The following MAF variants were observed in gnomAD, a reference collection of about 807,000 sequenced individuals.
MAF encodes MAF bZIP transcription factor, also known as transcription factor Maf.
Under a neutral mutation model 22.0 loss-of-function variants are expected in MAF, and 10 were observed. The observed-to-expected ratio is 0.45, with a 90% CI of 0.28 to 0.77. The LOEUF is 0.77. MAF is among the 30% of genes least tolerant of loss of function. MAF has a pLI of 0.12. For missense variants in MAF, 544 were observed against 548.4 expected, an observed-to-expected ratio of 0.99 and a Z score of 0.08; for synonymous variants, 337 against 255.8, an observed-to-expected ratio of 1.32 and a Z score of -3.03.
chr16:79,271,050 G>A, the MAF span, among the ~76,000 whole-genome samples: 8 of 151,242 alleles, frequency 5.3e-5, no homozygotes, highest in South Asian at 2.1e-4. Flanking sequence ...ACAAGCGCCC[G>A]CCACCATGCC....
At chr16:79,544,860 T>C in the MAF span, among the ~76,000 whole-genome samples, 7 of 152,092 alleles carry the variant, frequency 4.6e-5, no homozygotes, top group Non-Finnish European at 1.0e-4. Context: ...CTTACATTCA[T>C]TCATGTTTGG....
chr16:79,310,990 C>T, the MAF span, among the ~76,000 whole-genome samples: 1 of 151,920 alleles, frequency 6.6e-6, no homozygotes, highest in Non-Finnish European at 1.5e-5. Flanking sequence ...CGAGCTTCCA[C>T]CCTGGCTGCT....
the MAF span, among the ~76,000 whole-genome samples, chr16:79,465,153 G>T: frequency 6.6e-6 from 1 of 152,152 alleles, no homozygotes; most frequent in African/African-American, 2.4e-5. Flanking sequence ...TGGTTCCAGG[G>T]CTCCCCTCAA....
chr16:79,377,552 T>C, the MAF span, among the ~76,000 whole-genome samples: 1 of 152,392 alleles, frequency 6.6e-6, no homozygotes, highest in Admixed American at 6.5e-5. Context: ...TTTGTCAATT[T>C]TGGCTTTTGT....
downstream of MAF, among the ~76,000 whole-genome samples, chr16:79,589,100 A>AT (rs376177722): frequency 1.4e-4 from 21 of 152,172 alleles, no homozygotes; most frequent in East Asian, 5.8e-4. Flanking sequence ...TAAAAAGTAG[A>AT]TTTTTTTTAA....
At chr16:79,249,288 G>A in the MAF span, among the ~76,000 whole-genome samples, 1 of 152,072 alleles carries the variant, frequency 6.6e-6, no homozygotes, top group Non-Finnish European at 1.5e-5. Context: ...ATGTGGTGGT[G>A]CATGCCTGTT....
At chr16:79,413,210 G>GTTGTTTTTTTTTT in the MAF span, among the ~76,000 whole-genome samples, 3 of 63,620 alleles carry the variant, frequency 4.7e-5, no homozygotes, top group Non-Finnish European at 8.9e-5. Flanking sequence ...GAGCTGTGCA[G>GTTGTTTTTTTTTT]TTTTTTTTTT....
the MAF span, among the ~76,000 whole-genome samples, chr16:79,520,476 TGTGTGTGTGC>T: frequency 6.6e-6 from 1 of 152,054 alleles, no homozygotes; most frequent in South Asian, 2.1e-4. Flanking sequence ...TATCTCTCTG[TGTGTGTGTGC>T]GTGTGTGTGT....
the MAF span, among the ~76,000 whole-genome samples, chr16:79,510,151 G>A: frequency 6.6e-6 from 1 of 152,198 alleles, no homozygotes; most frequent in South Asian, 2.1e-4. Flanking sequence ...TACAACAACT[G>A]TGTTTATCCC....
chr16:79,594,267 T>C lies in MAF; in HGVS notation c.*193A>G, dbSNP rs1913366245. On this transcript the variant is annotated 3_prime_UTR_variant, in exon 2 of 2. Transcript: ENST00000326043. ...CATAAATCGAAAAGCAGGAGTGCGCTTTCCTACCGGTCTCTATGAAACCCC... is the reference window on the plus strand; with the variant it reads ...CATAAATCGAAAAGCAGGAGTGCGCCTTCCTACCGGTCTCTATGAAACCCC... 2 of 597,204 alleles carry C rather than the reference T, an allele frequency of 3.3e-6. No individual in the cohort carries two copies. Among genetic ancestry groups the C allele is most frequent in the South Asian group, 4.1e-5 (2 of 49,080 alleles). The allele number at this position is 597,204 out of a possible 1,614,324, so 37.0% of individuals were successfully genotyped here.
the MAF span, among the ~76,000 whole-genome samples, chr16:79,493,314 C>T: frequency 3.9e-5 from 6 of 152,050 alleles, no homozygotes; most frequent in East Asian, 3.9e-4. Flanking sequence ...CCCGAGTAGC[C>T]GGGATTACAG....
the MAF span, among the ~76,000 whole-genome samples, chr16:79,481,741 T>A: frequency 2.0e-5 from 3 of 152,164 alleles, no homozygotes; most frequent in Admixed American, 2.0e-4. Context: ...TCCATGCAGG[T>A]ACTCACTTAT....
the MAF span, among the ~76,000 whole-genome samples, chr16:79,441,851 T>G: frequency 6.6e-6 from 1 of 152,222 alleles, no homozygotes; most frequent in South Asian, 2.1e-4. Context: ...TGGTTAAGAA[T>G]GTCGAGGTAA....
At chr16:79,490,808 G>A in the MAF span, among the ~76,000 whole-genome samples, 2 of 152,152 alleles carry the variant, frequency 1.3e-5, no homozygotes, top group Admixed American at 1.3e-4. Context: ...ACACAATTCT[G>A]CTATTTCTAA....
chr16:79,448,512 G>A, the MAF span, among the ~76,000 whole-genome samples: 2 of 151,734 alleles, frequency 1.3e-5, no homozygotes, highest in African/African-American at 2.4e-5. Context: ...TGCAACCTCT[G>A]CCTCCCAGGT....
the MAF span, among the ~76,000 whole-genome samples, chr16:79,519,831 T>C: frequency 1.2e-4 from 19 of 152,190 alleles, 1 homozygote; most frequent in Non-Finnish European, 2.4e-4. Context: ...TCTGTCACCA[T>C]GTGGGGAAAA....
the MAF span, among the ~76,000 whole-genome samples, chr16:79,460,869 C>T: frequency 3.9e-5 from 6 of 152,178 alleles, no homozygotes; most frequent in African/African-American, 1.2e-4. Context: ...CATTTTCCAA[C>T]TTTTTGTTGA....
chr16:79,539,461 GCCACTGCACTCCAGCCAGTGTGA>G, the MAF span, among the ~76,000 whole-genome samples: 1 of 152,056 alleles, frequency 6.6e-6, no homozygotes, highest in Non-Finnish European at 1.5e-5. Flanking sequence ...CCGAGATCGC[GCCACTGCACTCCAGCCAGTGTGA>G]CAGAGCGAGA....
the MAF span, among the ~76,000 whole-genome samples, chr16:79,385,791 C>G: frequency 1.3e-5 from 2 of 152,150 alleles, no homozygotes; most frequent in African/African-American, 4.8e-5. Context: ...ATCCCAGCTA[C>G]TAGAGAGGCT....
Sources: allele counts gnomAD v4.1 joint callset (sites outside exome capture counted in the v4.1 genomes callset), GRCh38; gene constraint gnomAD v4.1.1; transcripts MANE v1.5; gene names NCBI Gene and HGNC (gene_info 2026-07-23, HGNC 2026-07-21).